CNTNAP5: variants seen among roughly 807,000 people sequenced by gnomAD.
CNTNAP5 encodes the protein contactin-associated protein-like 5.
Under a neutral mutation model 150.2 loss-of-function variants are expected in CNTNAP5, and 72 were observed. That is an observed-to-expected ratio of 0.48 (90% CI 0.40 to 0.58). The LOEUF (loss-of-function observed/expected upper bound fraction) is 0.58. Ranked by LOEUF, CNTNAP5 falls within the 20% of genes least tolerant of loss-of-function variation. CNTNAP5 has a pLI of 0.00. For synonymous variants in CNTNAP5, 672 were observed against 619.8 expected (o/e 1.08, Z -1.25); for missense variants, 1,636 against 1,626.2 (o/e 1.01, Z -0.10).
intron 3 of CNTNAP5, among the ~76,000 whole-genome samples, chr2:124,329,732 T>C (rs1454690705): frequency 1.3e-5 from 2 of 152,164 alleles, no homozygotes; most frequent in Non-Finnish European, 2.9e-5. Context: ...TTGGTTTGTA[T>C]TTCAGAAGGT....
chr2:124,817,879 A>T (rs533017870), intron 19 of CNTNAP5, among the ~76,000 whole-genome samples: 1 of 152,300 alleles, frequency 6.6e-6, no homozygotes, highest in African/African-American at 2.4e-5. Context: ...AAGGAGGTGC[A>T]TTGCAGATAA....
At chr2:124,295,490 G>A (rs1688402421) in intron 3 of CNTNAP5, among the ~76,000 whole-genome samples, 2 of 151,868 alleles carry the variant, frequency 1.3e-5, no homozygotes, top group African/African-American at 2.4e-5. Context: ...TGAGGACAGC[G>A]AAAATCACCT....
chr2:124,381,251 G>C (rs765265373), intron 3 of CNTNAP5, among the ~76,000 whole-genome samples: 2 of 152,138 alleles, frequency 1.3e-5, no homozygotes, highest in Non-Finnish European at 2.9e-5. Context: ...ATTCAAATCA[G>C]AACAGGATAC....
chr2:124,891,033 A>C (rs1678184019), intron 21 of CNTNAP5, among the ~76,000 whole-genome samples: 1 of 152,152 alleles, frequency 6.6e-6, no homozygotes, highest in Non-Finnish European at 1.5e-5. Flanking sequence ...GTGGTGTATT[A>C]AACCACCTCA....
At chr2:124,690,867 A>T (rs994344437) in intron 13 of CNTNAP5, among the ~76,000 whole-genome samples, 4 of 152,092 alleles carry the variant, frequency 2.6e-5, no homozygotes, top group African/African-American at 9.7e-5. Context: ...ATCATGTCTT[A>T]GTGTAAAATT....
intron 13 of CNTNAP5, among the ~76,000 whole-genome samples, chr2:124,696,689 G>A (rs1679412829): frequency 6.6e-6 from 1 of 152,198 alleles, no homozygotes; most frequent in Admixed American, 6.5e-5. Flanking sequence ...CCTTCTGACT[G>A]TGTGACTTTT....
At chr2:124,115,032 T>C (rs1316580124) in intron 1 of CNTNAP5, among the ~76,000 whole-genome samples, 3 of 152,020 alleles carry the variant, frequency 2.0e-5, no homozygotes, top group Non-Finnish European at 4.4e-5. Flanking sequence ...GTAGATACTA[T>C]AATGATGTTA....
At chr2:124,281,621 TA>T (rs373284988) in intron 3 of CNTNAP5, among the ~76,000 whole-genome samples, 204 of 152,286 alleles carry the variant, frequency 1.3e-3, no homozygotes, top group African/African-American at 4.6e-3. Context: ...ATCCTACAGT[TA>T]AGCGACAAGA....
At chr2:124,527,483 C>G (rs2104890530) in intron 10 of CNTNAP5, 27 bp downstream of exon 10, 1 of 1,561,550 alleles carries the variant, frequency 6.4e-7, no homozygotes, top group South Asian at 1.2e-5. Flanking sequence ...CTCCTCTGTT[C>G]TGCCACCCCC....
intron 1 of CNTNAP5, among the ~76,000 whole-genome samples, chr2:124,028,964 A>C (rs1261987339): frequency 6.6e-6 from 1 of 152,164 alleles, no homozygotes; most frequent in Non-Finnish European, 1.5e-5. Flanking sequence ...AGATAGCAGG[A>C]ATACATGGAG....
At chr2:124,707,182 A>G (rs574171551) in intron 13 of CNTNAP5, among the ~76,000 whole-genome samples, 1 of 149,126 alleles carries the variant, frequency 6.7e-6, no homozygotes, top group African/African-American at 2.4e-5. Flanking sequence ...AAGAAGAAGA[A>G]GAAGAAGAAG....
At chr2:124,177,584 T>C (rs1337037700) in intron 1 of CNTNAP5, among the ~76,000 whole-genome samples, 1 of 152,174 alleles carries the variant, frequency 6.6e-6, no homozygotes, top group South Asian at 2.1e-4. Flanking sequence ...CCCCTATTTA[T>C]GTTGGTGGCT....
chr2:124,290,389 C>T lies in CNTNAP5; in HGVS notation c.381+47996C>T, dbSNP rs116865449. On this transcript the variant is annotated intron_variant, in intron 3 of 23. Coordinates refer to ENST00000682447, the MANE Select transcript of CNTNAP5 (RefSeq NM_001367498.1). ...CAATTCATCCACATCTTGACTGCAA[C>T]GCTGTTGTAAAAGATCCTCTACCTA... Among the ~76,000 whole-genome samples, 15 of 152,264 alleles carry T rather than the reference C, an allele frequency of 9.9e-5. No homozygotes were observed. In the East Asian group the frequency reaches 1.5e-3, roughly 16 times the overall value.
chr2:124,188,806 G>T (rs188787212), intron 1 of CNTNAP5, among the ~76,000 whole-genome samples: 1 of 151,644 alleles, frequency 6.6e-6, no homozygotes, highest in South Asian at 2.1e-4. Context: ...AATTAGAGAC[G>T]GAGGGTTATC....
At chr2:124,476,793 TA>T (rs1157809449) in intron 7 of CNTNAP5, among the ~76,000 whole-genome samples, 1 of 152,070 alleles carries the variant, frequency 6.6e-6, no homozygotes, top group East Asian at 1.9e-4. Flanking sequence ...GCATTTGGCT[TA>T]GGGAGAGAAG....
At chr2:124,799,733 T>C (rs1015283170) in intron 19 of CNTNAP5, among the ~76,000 whole-genome samples, 1 of 152,228 alleles carries the variant, frequency 6.6e-6, no homozygotes, top group African/African-American at 2.4e-5. Flanking sequence ...CCATGAATGA[T>C]GAATGGGTGT....
chr2:124,786,427 G>A lies in CNTNAP5; in HGVS notation c.2753-3475G>A, dbSNP rs1428431879. ...GGAAGGAAGGAAGGAAGGAAGGAAGGAAGGAAGGAAGGAAGGAAGGAAAGA... is the reference window on the plus strand; with the variant it reads ...GGAAGGAAGGAAGGAAGGAAGGAAGAAAGGAAGGAAGGAAGGAAGGAAAGA... On this transcript the variant is annotated intron_variant, in intron 17 of 23. Coordinates refer to ENST00000682447, the MANE Select transcript of CNTNAP5 (RefSeq NM_001367498.1). Among the ~76,000 whole-genome samples the A allele has an allele frequency of 2.8e-3, 311 of 112,098 alleles. 6 individuals are homozygous for A. The highest frequency in any genetic ancestry group is 9.5e-3 in the African/African-American group (232 of 24,534). The allele number at this position is 112,098 out of a possible 152,430, so 73.5% of individuals were successfully genotyped here.
chr2:124,116,483 T>C (rs11890410), intron 1 of CNTNAP5, among the ~76,000 whole-genome samples: 1,544 of 152,342 alleles, frequency 0.01, 29 homozygotes, highest in African/African-American at 0.036. Flanking sequence ...TATTTCACTG[T>C]ATCCATGTAC....
Position 124,446,913 on chromosome 2 carries a change from G to A in CNTNAP5, c.894G>A (p.Thr298=), listed in dbSNP as rs762840470. The change falls in exon 6 of 24, where the codon ACG becomes ACA. Residue 298 remains threonine (T), a synonymous_variant. Coordinates refer to ENST00000682447, the MANE Select transcript of CNTNAP5 (RefSeq NM_001367498.1). ...HTQHFRTKGE[T]DALDIDYELS... is the part of the protein sequence containing the mutation. Reference sequence around the variant, plus strand: ...AGCACTTCCGCACCAAGGGCGAGACGGATGCCTTAGACATTGACTATGAGG... The same window carrying A: ...AGCACTTCCGCACCAAGGGCGAGACAGATGCCTTAGACATTGACTATGAGG... 5 of 1,613,666 alleles carry A rather than the reference G, an allele frequency of 3.1e-6. No homozygotes were observed. The highest frequency in any genetic ancestry group is 1.7e-5 in the Admixed American group (1 of 60,004).
Sources: allele counts gnomAD v4.1 joint callset (sites outside exome capture counted in the v4.1 genomes callset), GRCh38; gene constraint gnomAD v4.1.1; transcripts MANE v1.5; gene names NCBI Gene and HGNC (gene_info 2026-07-23, HGNC 2026-07-21).